The following SF3B1 variants were observed in gnomAD, a reference collection of about 807,000 sequenced individuals.
The protein encoded by SF3B1 is pre-mRNA processing 10.
A neutral mutation model predicts 153.8 loss-of-function variants in SF3B1; 12 were observed. The ratio of observed to expected loss-of-function variants is 0.08; its 90% CI spans 0.05 to 0.13. The LOEUF (loss-of-function observed/expected upper bound fraction) is 0.13, where lower values mean the gene tolerates loss of function less well. Ranked by LOEUF, SF3B1 falls within the 10% of genes least tolerant of loss-of-function variation. SF3B1 has a pLI of 1.00. For synonymous variants in SF3B1, 498 were observed against 525.2 expected, an observed-to-expected ratio of 0.95 and a Z score of 0.71; for missense variants, 513 against 1,606.1, an observed-to-expected ratio of 0.32 and a Z score of 11.63.
intron 22 of SF3B1, among the ~76,000 whole-genome samples, chr2:197,396,774 T>A (rs571712126): frequency 1.3e-5 from 2 of 152,224 alleles, no homozygotes; most frequent in Admixed American, 1.3e-4. Context: ...TTTCCTTTTA[T>A]CTTTCCTCCA....
intron 23 of SF3B1, among the ~76,000 whole-genome samples, chr2:197,394,463 A>G (rs532449378): frequency 4.6e-5 from 7 of 152,370 alleles, no homozygotes; most frequent in African/African-American, 1.4e-4. Flanking sequence ...CAAAAGATCA[A>G]TAATTTTTTC....
At position 197,404,298 on chromosome 2, in the gene SF3B1, G is replaced by A. The variant is rs117142576; in HGVS notation, c.1540-534C>T. 2.2e-4 allele frequency among the ~76,000 whole-genome samples: 34 copies of A among 152,112 alleles called. No individual in the cohort carries two copies. The East Asian group carries it at 6.2e-3, about 28-fold the overall frequency. On this transcript the variant is annotated intron_variant, in intron 11 of 24. Transcript: ENST00000335508. ...TATTTAAATAATAATAAAAACAAACGGCTGGGCATGGTGGTTCACACCTGT... is the reference window on the plus strand; with the variant it reads ...TATTTAAATAATAATAAAAACAAACAGCTGGGCATGGTGGTTCACACCTGT...
At chr2:197,410,501 ATTTTT>A (rs573287348) in intron 6 of SF3B1, among the ~76,000 whole-genome samples, 57 of 107,934 alleles carry the variant, frequency 5.3e-4, no homozygotes, top group African/African-American at 1.8e-3. Flanking sequence ...CACCTATGTA[ATTTTT>A]TTTTTTTTTT....
rs2105983017 is a variant in SF3B1, at chr2:197,400,916, C to T, written c.2517G>A (p.Glu839=). The change falls in exon 18 of 25, where the codon GAG becomes GAA. Residue 839 remains glutamate (E), a synonymous_variant. Transcript: ENST00000335508. This position sits in a 1 kb window ranked among gnomAD's most constrained non-coding sequence, Gnocchi z 5.0. ...CTGCTGCACCTACTTTGTTTGCCAA[C>T]TCCACAGTAGTATCAACTAACTAAA... ...NYRQLVDTTV[E]LANKVGAAEI... is the part of the protein sequence containing the mutation. 6.2e-7 allele frequency: 1 copy of T among 1,612,150 alleles called. No individual in the cohort carries two copies. Among genetic ancestry groups the T allele is most frequent in the East Asian group, 2.2e-5 (1 of 44,836 alleles).
chr2:197,418,987 G>T, intron 4 of SF3B1: 2 of 1,500,642 alleles, frequency 1.3e-6, no homozygotes, highest in Non-Finnish European at 1.8e-6. Flanking sequence ...GTAACACTTT[G>T]GAAAGATATT....
chr2:197,428,182 C>T (rs1045248506), intron 1 of SF3B1, among the ~76,000 whole-genome samples: 1 of 151,778 alleles, frequency 6.6e-6, no homozygotes, highest in African/African-American at 2.4e-5. Context: ...AAATTAGTCA[C>T]TACAGGTGCA....
intron 12 of SF3B1, among the ~76,000 whole-genome samples, chr2:197,403,268 T>C (rs1421579832): frequency 6.6e-6 from 1 of 152,176 alleles, no homozygotes; most frequent in Non-Finnish European, 1.5e-5. Context: ...AAATAACTTA[T>C]ACACCCTATG....
At chr2:197,410,040 C>T in intron 6 of SF3B1, 33 bp from the exon 7 acceptor site, 1 of 1,363,224 alleles carries the variant, frequency 7.3e-7, no homozygotes. Flanking sequence ...ATTTCACACA[C>T]CCACACAGAA....
intron 5 of SF3B1, 123 bp downstream of exon 5, chr2:197,418,386 G>A: frequency 3.1e-6 from 2 of 636,044 alleles, no homozygotes; most frequent in South Asian, 5.9e-5. Flanking sequence ...TTCTTTCTCA[G>A]TTAATTTTTA....
intron 11 of SF3B1, 56 bp from the exon 12 acceptor site, chr2:197,403,820 T>G: frequency 7.7e-7 from 1 of 1,291,740 alleles, no homozygotes; most frequent in Middle Eastern, 1.8e-4. Flanking sequence ...ACATTTTGAA[T>G]GAGCAAATTA....
chr2:197,427,600 C>T (rs897693353), intron 1 of SF3B1, among the ~76,000 whole-genome samples: 2 of 152,052 alleles, frequency 1.3e-5, no homozygotes, highest in Admixed American at 6.6e-5. Context: ...TCTGAGGTTT[C>T]GTTTTCAAAA....
chr2:197,416,303 TA>T (rs2085148065), intron 6 of SF3B1, among the ~76,000 whole-genome samples: 2 of 152,166 alleles, frequency 1.3e-5, no homozygotes. Flanking sequence ...TTTAATATTC[TA>T]AAAAGAACTT....
chr2:197,410,166 T>C (rs1476847539), intron 6 of SF3B1, among the ~76,000 whole-genome samples, 159 bp from the exon 7 acceptor site: 1 of 152,206 alleles, frequency 6.6e-6, no homozygotes, highest in African/African-American at 2.4e-5. Context: ...AAAAGATACC[T>C]ACTTTCTAGC....
rs2105994509 is a variant in SF3B1, at chr2:197,408,578, G to A, written c.908C>T (p.Thr303Ile). The change falls in exon 8 of 25, where the codon ACT (threonine) becomes ATT (isoleucine). Residue 303 changes from threonine to isoleucine, a missense_variant. Coordinates refer to ENST00000335508, the MANE Select transcript of SF3B1 (RefSeq NM_012433.4). ...WDETPKTERD[T>I]PGHGSGWAET... ...AGCCCATCCACTTCCATGCCCAGGA[G>A]TATCTTTAAAAAGAAAGAGTGAGTA... The A allele has an allele frequency of 6.2e-7, 1 of 1,608,134 alleles. No homozygotes were observed.
At chr2:197,426,046 T>C (rs1157595656) in intron 1 of SF3B1, among the ~76,000 whole-genome samples, 1 of 151,582 alleles carries the variant, frequency 6.6e-6, no homozygotes, top group African/African-American at 2.4e-5. Context: ...GTTTTAATGC[T>C]GAGTTTAGCA....
Position 197,392,076 on chromosome 2 carries a change from C to T in SF3B1, c.*227G>A. 3.1e-6 allele frequency: 1 copy of T among 324,452 alleles called. No individual in the cohort carries two copies. Among genetic ancestry groups the T allele is most frequent in the East Asian group, 4.5e-5 (1 of 22,422 alleles). The allele number at this position is 324,452 out of a possible 1,614,324, so 20.1% of individuals were successfully genotyped here. A position where few individuals can be genotyped will look rare whatever the true frequency, so the allele number is the denominator to read the frequency against. ...TAAAGATGAATTAAAAATGAAATCC[C>T]TCCAGTATAGTGTATATAATCACTG... On this transcript the variant is annotated 3_prime_UTR_variant, in exon 25 of 25. Transcript: ENST00000335508.
At chr2:197,430,000 A>C (rs1264718300) in intron 1 of SF3B1, among the ~76,000 whole-genome samples, 1 of 152,206 alleles carries the variant, frequency 6.6e-6, no homozygotes, top group Non-Finnish European at 1.5e-5. Context: ...ACCACAGGAC[A>C]AAGGTTCTGC....
intron 7 of SF3B1, among the ~76,000 whole-genome samples, chr2:197,409,205 G>A (rs769811202): frequency 1.8e-4 from 27 of 152,078 alleles, no homozygotes; most frequent in African/African-American, 5.3e-4. Flanking sequence ...TTCGAGACCC[G>A]CCTGACCAGC....
intron 9 of SF3B1, among the ~76,000 whole-genome samples, chr2:197,407,395 A>T (rs2085007487): frequency 6.6e-6 from 1 of 152,198 alleles, no homozygotes; most frequent in Admixed American, 6.6e-5. Flanking sequence ...ACTTGAGGTC[A>T]GGAGTTCAAG....
Sources: allele counts gnomAD v4.1 joint callset (sites outside exome capture counted in the v4.1 genomes callset), GRCh38; gene constraint gnomAD v4.1.1; non-coding constraint Gnocchi (gnomAD v3.1); transcripts MANE v1.5; gene names NCBI Gene and HGNC (gene_info 2026-07-23, HGNC 2026-07-21).